The following ADGRD1 variants were observed in gnomAD, a reference collection of about 807,000 sequenced individuals.
ADGRD1 encodes the protein G-protein coupled receptor 133.
Under a neutral mutation model 113.4 loss-of-function variants are expected in ADGRD1, and 77 were observed. That is an observed-to-expected ratio of 0.68 (90% confidence interval 0.57 to 0.82). The LOEUF is 0.82. ADGRD1 is among the 40% of genes least tolerant of loss of function. The pLI is 0.00. For synonymous variants in ADGRD1, 474 were observed against 475.0 expected, an observed-to-expected ratio of 1.00 and a Z score of 0.03; for missense variants, 1,036 against 1,139.1, an observed-to-expected ratio of 0.91 and a Z score of 1.30.
intron 8 of ADGRD1, among the ~76,000 whole-genome samples, chr12:130,997,004 G>A (rs1215182121): frequency 2.9e-5 from 4 of 136,278 alleles, no homozygotes; most frequent in Admixed American, 7.0e-5. Context: ...CTGGCCAGGC[G>A]GGGGGCTGAC....
rs772067133 is a variant in ADGRD1, at chr12:131,004,194, G to T, written c.1153G>T (p.Val385Leu). Residue 385 changes from valine to leucine, a missense_variant, in exon 11 of 25, where the codon GTG becomes TTG. Physicochemically the swap from Val to Leu is conservative, Grantham distance 32. Transcript: ENST00000261654. ...CGCTCCTTCCACCGCAGAGTTTTCC[G>T]TGGCCAAAATCCTGCCCAAGACCGT... ...EGSSAMAEFS[V>L]AKILPKTVNS... 4 of 1,612,820 alleles carry T rather than the reference G, an allele frequency of 2.5e-6. No individual in the cohort carries two copies. Among genetic ancestry groups the T allele is most frequent in the Admixed American group, 1.7e-5 (1 of 59,978 alleles).
At chr12:131,076,943 C>T in intron 14 of ADGRD1, 69 bp downstream of exon 14, 4 of 1,259,946 alleles carry the variant, frequency 3.2e-6, no homozygotes, top group Non-Finnish European at 4.7e-6. Context: ...CATGCCAGCC[C>T]AGGGGAGGAT....
chr12:131,123,841 A>C (rs1950671015), intron 20 of ADGRD1, among the ~76,000 whole-genome samples: 1 of 151,056 alleles, frequency 6.6e-6, no homozygotes, highest in Non-Finnish European at 1.5e-5. Flanking sequence ...AAAAAAAAAA[A>C]GGTTCCAGGT....
chr12:131,068,853 C>T (rs1884930979), intron 13 of ADGRD1, among the ~76,000 whole-genome samples: 1 of 152,206 alleles, frequency 6.6e-6, no homozygotes, highest in South Asian at 2.1e-4. Flanking sequence ...GGCCCAGGAG[C>T]CAAATTGAAA....
At chr12:131,136,717 T>C (rs964378904) in intron 22 of ADGRD1, among the ~76,000 whole-genome samples, 8 of 152,358 alleles carry the variant, frequency 5.3e-5, no homozygotes, top group African/African-American at 1.9e-4. Context: ...TGAGCCTGCC[T>C]GGGAACCCAC....
intron 14 of ADGRD1, among the ~76,000 whole-genome samples, chr12:131,081,663 C>T (rs991351367): frequency 1.3e-5 from 2 of 152,092 alleles, no homozygotes; most frequent in Non-Finnish European, 2.9e-5. Flanking sequence ...AGTATTTTTT[C>T]CCCCGGATAA....
intron 12 of ADGRD1, 85 bp downstream of exon 12, chr12:131,006,132 G>T (rs978103976): frequency 7.2e-6 from 8 of 1,115,252 alleles, no homozygotes; most frequent in African/African-American, 4.6e-5. Context: ...CGCCCCACAC[G>T]CACAACACTG....
intron 13 of ADGRD1, among the ~76,000 whole-genome samples, chr12:131,052,045 C>T (rs1265985604): frequency 2.0e-5 from 3 of 152,180 alleles, no homozygotes; most frequent in Non-Finnish European, 4.4e-5. Context: ...TCTTTCATAA[C>T]CCTGCATGGT....
Position 131,029,233 on chromosome 12 carries a change from A to G in ADGRD1, c.1473+14893A>G, listed in dbSNP as rs187065148. On this transcript the variant is annotated intron_variant, in intron 13 of 24. Transcript: ENST00000261654. ...CCTGCTGCTGTAATCTACCAGGCTT[A>G]TTTTTATATTGACTATTATAGTCAG... Among the ~76,000 whole-genome samples the G allele has an allele frequency of 1.1e-4, 16 of 151,504 alleles. No homozygotes were observed. In the East Asian group the frequency reaches 2.9e-3, roughly 27 times the overall value.
At chr12:130,957,953 TCTTCCTTCCTC>T (rs1182643502) in intron 2 of ADGRD1, 1 of 152,264 alleles carries the variant, frequency 6.6e-6, no homozygotes, top group Non-Finnish European at 1.5e-5. Context: ...TCCTTTTTTC[TCTTCCTTCCTC>T]CTTCCTTCCT....
chr12:131,120,973 G>C, intron 20 of ADGRD1, 60 bp downstream of exon 20: 3 of 1,501,154 alleles, frequency 2.0e-6, no homozygotes, highest in Non-Finnish European at 2.8e-6. Flanking sequence ...AGGAGAGGGT[G>C]TGGGGCTCTG....
intron 13 of ADGRD1, among the ~76,000 whole-genome samples, chr12:131,045,277 G>T (rs1041736845): frequency 6.6e-6 from 1 of 152,256 alleles, no homozygotes; most frequent in Non-Finnish European, 1.5e-5. Flanking sequence ...CCTCCGTCCA[G>T]CACTGCTTCA....
chr12:131,047,599 C>T (rs1412761118), intron 13 of ADGRD1, among the ~76,000 whole-genome samples: 1 of 152,202 alleles, frequency 6.6e-6, no homozygotes, highest in Non-Finnish European at 1.5e-5. Context: ...CGTGGGGACA[C>T]TTCCTCTGCC....
rs1342347877 is a variant in ADGRD1, at chr12:131,113,713, C to T, written c.2042-4672C>T. ...AGGGAGCTCCCCGAGTCACCACGGA[C>T]GTCCTCCGTCCTGCCTCACTGCTCA... is the stretch of plus-strand genomic sequence containing the variant. On this transcript the variant is annotated intron_variant, in intron 18 of 24. Transcript: ENST00000261654. The surrounding 1 kb of genome is among the most constrained non-coding windows in gnomAD (Gnocchi z 4.9). 1.3e-5 allele frequency among the ~76,000 whole-genome samples: 2 copies of T among 152,172 alleles called. No homozygotes were observed. Among genetic ancestry groups the T allele is most frequent in the Non-Finnish European group, 2.9e-5 (2 of 68,014 alleles).
Position 131,139,244 on chromosome 12 carries a change from T to C in ADGRD1, c.2606T>C (p.Val869Ala). Reference sequence around the variant, plus strand: ...AAGAGCAGCCACTCTGCCCACCGCGTCGACCTGTCAGCCGTGTGAGCCGGG... The same window carrying C: ...AAGAGCAGCCACTCTGCCCACCGCGCCGACCTGTCAGCCGTGTGAGCCGGG... ...WDKSSHSAHR[V>A]DLSAV Residue 869 changes from valine to alanine, a missense_variant, in exon 25 of 25, where the codon GTC (valine) becomes GCC (alanine). Coordinates refer to ENST00000261654, the MANE Select transcript of ADGRD1 (RefSeq NM_198827.5). 6 of 1,612,832 alleles carry C rather than the reference T, an allele frequency of 3.7e-6. No individual in the cohort carries two copies. The highest frequency in any genetic ancestry group is 5.1e-6 in the Non-Finnish European group (6 of 1,179,684).
At chr12:131,018,565 T>C (rs989207340) in intron 13 of ADGRD1, among the ~76,000 whole-genome samples, 6 of 152,164 alleles carry the variant, frequency 3.9e-5, no homozygotes, top group Non-Finnish European at 7.3e-5. Context: ...CGAGGACCCG[T>C]ATGTTAAACA....
Position 131,000,984 on chromosome 12 carries a change from G to C in ADGRD1, c.1026+542G>C, listed in dbSNP as rs1876318219. Among the ~76,000 whole-genome samples, 3 of 152,210 alleles carry C rather than the reference G, an allele frequency of 2.0e-5. No individual in the cohort carries two copies. In the South Asian group the frequency reaches 6.2e-4, roughly 31 times the overall value. Reference sequence around the variant, plus strand: ...AGGCAAAAGAAATGCACGTGTGTCAGTAATGTGTTACTGTCCTAAACATGG... The same window carrying C: ...AGGCAAAAGAAATGCACGTGTGTCACTAATGTGTTACTGTCCTAAACATGG... On this transcript the variant is annotated intron_variant, in intron 9 of 24. Coordinates refer to ENST00000261654, the MANE Select transcript of ADGRD1 (RefSeq NM_198827.5).
At chr12:131,000,747 C>CAAAAAA (rs371823726) in intron 9 of ADGRD1, among the ~76,000 whole-genome samples, 4 of 112,638 alleles carry the variant, frequency 3.6e-5, no homozygotes, top group African/African-American at 3.3e-5. Flanking sequence ...TCTCAAAAAA[C>CAAAAAA]AAAAAAAAAA....
intron 13 of ADGRD1, among the ~76,000 whole-genome samples, chr12:131,071,690 G>GC (rs1032070019): frequency 4.6e-5 from 7 of 152,216 alleles, no homozygotes; most frequent in Admixed American, 4.6e-4. Context: ...TGTCCAGGAG[G>GC]CCCGAGGAAG....
Sources: gnomAD v4.1 joint callset for allele counts (sites outside exome capture counted in the v4.1 genomes callset) on GRCh38, gnomAD v4.1.1 for gene constraint, Gnocchi (gnomAD v3.1) non-coding constraint, MANE v1.5 for transcripts, NCBI Gene and HGNC (gene_info 2026-07-23, HGNC 2026-07-21) for gene names.